Variants in SCAMP5 observed in about 807,000 individuals in gnomAD.
The protein encoded by SCAMP5 is secretory carrier membrane protein 5.
SCAMP5 carries 7 observed loss-of-function variants against 28.3 expected under a neutral mutation model. The observed-to-expected ratio is 0.25, with a 90% CI of 0.14 to 0.46. The LOEUF is 0.46. Among genes scored for constraint, SCAMP5 ranks in the 20% least tolerant of loss-of-function variants. The pLI is 0.99. For missense variants in SCAMP5, 192 were observed against 312.5 expected, an observed-to-expected ratio of 0.61 and a Z score of 2.91; for synonymous variants, 117 against 116.4, an observed-to-expected ratio of 1.00 and a Z score of -0.03.
At chr15:75,011,244 C>A (rs1281592253) in intron 1 of SCAMP5, among the ~76,000 whole-genome samples, 1 of 151,908 alleles carries the variant, frequency 6.6e-6, no homozygotes, top group South Asian at 2.1e-4. Flanking sequence ...AATTTCCCTG[C>A]CTCTCCAGAC....
intron 3 of SCAMP5, 149 bp downstream of exon 3, chr15:75,012,954 A>G: frequency 8.5e-6 from 6 of 707,428 alleles, no homozygotes; most frequent in Non-Finnish European, 1.4e-5. Context: ...TTCCCCTGCC[A>G]GGCTCCCAGA....
chr15:75,018,673 A>G lies in SCAMP5; in HGVS notation c.514-116A>G. On this transcript the variant is annotated intron_variant, in intron 6 of 6. Transcript: ENST00000425597. This position sits in a 1 kb window ranked among gnomAD's most constrained non-coding sequence, Gnocchi z 5.6. Reference sequence around the variant, plus strand: ...GGAATGGCCTGCAGGACTCTCCTACAGAGGCATTCATGGGGAGGGAGCACT... The same window carrying G: ...GGAATGGCCTGCAGGACTCTCCTACGGAGGCATTCATGGGGAGGGAGCACT... 9.8e-7 allele frequency: 1 copy of G among 1,015,784 alleles called. No homozygotes were observed. Among genetic ancestry groups the G allele is most frequent in the South Asian group, 1.3e-5 (1 of 75,930 alleles). The allele number at this position is 1,015,784 out of a possible 1,614,324, so 62.9% of individuals were successfully genotyped here.
Position 75,018,623 on chromosome 15 carries a change from C to T in SCAMP5, c.513+88C>T, listed in dbSNP as rs948127296. 10 of 1,118,630 alleles carry T rather than the reference C, an allele frequency of 8.9e-6. No individual in the cohort carries two copies. Among genetic ancestry groups the T allele is most frequent in the African/African-American group, 3.1e-5 (2 of 65,164 alleles). 69.3% of individuals were successfully genotyped at this position (1,118,630 alleles called of 1,614,324 possible). ...CCTCCTCCAAGTTGCAAGAGGATCC[C>T]GAGGTCTTCCAAGGGACTCACTCTG... On this transcript the variant is annotated intron_variant, in intron 6 of 6. Coordinates refer to ENST00000425597, the MANE Select transcript of SCAMP5 (RefSeq NM_138967.4). This position sits in a 1 kb window ranked among gnomAD's most constrained non-coding sequence, Gnocchi z 5.6.
intron 1 of SCAMP5, among the ~76,000 whole-genome samples, chr15:74,998,191 A>G (rs750136855): frequency 2.0e-5 from 3 of 152,256 alleles, no homozygotes; most frequent in East Asian, 1.9e-4. Flanking sequence ...AGTAACTGCT[A>G]TCTTATTGAT....
chr15:75,019,061 C>A lies in SCAMP5; in HGVS notation c.*78C>A. The A allele has an allele frequency of 2.0e-6, 2 of 1,023,020 alleles. No individual in the cohort carries two copies. The highest frequency in any genetic ancestry group is 2.8e-6 in the Non-Finnish European group (2 of 711,942). 63.4% of individuals were successfully genotyped at this position (1,023,020 alleles called of 1,614,324 possible). On this transcript the variant is annotated 3_prime_UTR_variant, in exon 7 of 7. Transcript: ENST00000425597. ...AAGCCACATCGTCATTTGTGGTTAC[C>A]AAGCAGGGTTCCCCCTTCCCTTTTC...
intron 1 of SCAMP5, among the ~76,000 whole-genome samples, chr15:75,000,627 G>T (rs527495718): frequency 6.7e-6 from 1 of 148,502 alleles, no homozygotes; most frequent in Non-Finnish European, 1.5e-5. Flanking sequence ...CTCGTGATCC[G>T]CCCACCTCGG....
At chr15:75,013,505 C>T (rs1466449050) in intron 3 of SCAMP5, among the ~76,000 whole-genome samples, 1 of 152,046 alleles carries the variant, frequency 6.6e-6, no homozygotes, top group Non-Finnish European at 1.5e-5. Context: ...TTAAGACCAG[C>T]CTAGGCAACA....
At chr15:75,004,222 AC>A (rs2065735407) in intron 1 of SCAMP5, among the ~76,000 whole-genome samples, 1 of 151,990 alleles carries the variant, frequency 6.6e-6, no homozygotes, top group Non-Finnish European at 1.5e-5. Context: ...CTTTTTAGAG[AC>A]AGGATCTTGC....
intron 2 of SCAMP5, 117 bp from the exon 3 acceptor site, chr15:75,012,560 C>G (rs1595887039): frequency 4.0e-6 from 5 of 1,241,508 alleles, no homozygotes; most frequent in African/African-American, 1.5e-5. Flanking sequence ...GTGGGGAAAG[C>G]AGAGTGGCCG....
At chr15:75,011,687 G>A (rs1340943288) in intron 1 of SCAMP5, 105 bp from the exon 2 acceptor site, 1 of 534,350 alleles carries the variant, frequency 1.9e-6, no homozygotes, top group Non-Finnish European at 3.5e-6. Context: ...GGGAGTATGT[G>A]CTGGGTCCTG....
At chr15:75,005,514 C>T (rs927611925) in intron 1 of SCAMP5, among the ~76,000 whole-genome samples, 4 of 151,960 alleles carry the variant, frequency 2.6e-5, no homozygotes, top group Non-Finnish European at 4.4e-5. Context: ...GGTTGCATGC[C>T]TCTTTTGTCT....
chr15:75,001,883 A>AAG (rs2065712820), intron 1 of SCAMP5, among the ~76,000 whole-genome samples: 2 of 145,058 alleles, frequency 1.4e-5, no homozygotes, highest in Non-Finnish European at 3.0e-5. Context: ...AAAAAAAAAA[A>AAG]AAAAAAAAAA....
intron 1 of SCAMP5, among the ~76,000 whole-genome samples, chr15:75,004,741 AAAAAG>A (rs1435614334): frequency 6.6e-6 from 1 of 152,016 alleles, no homozygotes; most frequent in African/African-American, 2.4e-5. Context: ...TCAAAAAAAA[AAAAAG>A]AAAGAGAGAA....
chr15:75,005,392 G>A (rs866161054), intron 1 of SCAMP5, among the ~76,000 whole-genome samples: 4 of 151,946 alleles, frequency 2.6e-5, no homozygotes, highest in Non-Finnish European at 1.5e-5. Flanking sequence ...CTTGGGAGGC[G>A]GAGGTTGCGG....
rs2065652357 is a variant in SCAMP5, at chr15:74,996,229, C to T, written c.-49+556C>T. 4 of 152,518 alleles carry T rather than the reference C, an allele frequency of 2.6e-5. No homozygotes were observed. In the South Asian group the frequency reaches 6.2e-4, roughly 24 times the overall value. 9.4% of individuals were successfully genotyped at this position (152,518 alleles called of 1,614,324 possible). A position where few individuals can be genotyped will look rare whatever the true frequency, so the allele number is the denominator to read the frequency against. On this transcript the variant is annotated intron_variant, in intron 1 of 6. Coordinates refer to ENST00000425597, the MANE Select transcript of SCAMP5 (RefSeq NM_138967.4). This position sits in a 1 kb window ranked among gnomAD's most constrained non-coding sequence, Gnocchi z 4.1. ...AGGCGACGGGCGCGCTGGCCCAGGC[C>T]ACCAGGCGGGCTCCATCAGGGCTTT...
Position 75,012,697 on chromosome 15 carries a change from C to T in SCAMP5, c.28C>T (p.Pro10Ser), listed in dbSNP as rs757911179. The T allele has an allele frequency of 1.2e-6, 2 of 1,613,968 alleles. No individual in the cohort carries two copies. Among genetic ancestry groups the T allele is most frequent in the Non-Finnish European group, 1.7e-6 (2 of 1,179,820 alleles). The change falls in exon 3 of 7, where the codon CCA becomes TCA. Residue 10 changes from proline to serine, a missense_variant. Coordinates refer to ENST00000425597, the MANE Select transcript of SCAMP5 (RefSeq NM_138967.4). ...CACAGAGAAAGTGAACAACTTCCCA[C>T]CATTGCCCAAATTCATCCCGCTGAA... MAEKVNNFP[P>S]LPKFIPLKPC...
chr15:75,003,586 G>T (rs961487227), intron 1 of SCAMP5, among the ~76,000 whole-genome samples: 3 of 152,174 alleles, frequency 2.0e-5, no homozygotes, highest in Non-Finnish European at 4.4e-5. Flanking sequence ...AGGGCGGGTA[G>T]ATCGCTTGAG....
At position 75,000,683 on chromosome 15, in the gene SCAMP5, C is replaced by G. The variant is rs915182273; in HGVS notation, c.-49+5010C>G. Reference sequence around the variant, plus strand: ...ACAGGCGTGAGCCATCGCACCCAGCCTTTTTTTTTTTTTTTTTTTGAAGAG... The same window carrying G: ...ACAGGCGTGAGCCATCGCACCCAGCGTTTTTTTTTTTTTTTTTTTGAAGAG... On this transcript the variant is annotated intron_variant, in intron 1 of 6. Coordinates refer to ENST00000425597, the MANE Select transcript of SCAMP5 (RefSeq NM_138967.4). Among the ~76,000 whole-genome samples, 894 of 120,282 alleles carry G rather than the reference C, an allele frequency of 7.4e-3. 32 individuals are homozygous for G. Among genetic ancestry groups the G allele is most frequent in the Admixed American group, 0.068 (752 of 10,998 alleles). The allele number at this position is 120,282 out of a possible 152,430, so 78.9% of individuals were successfully genotyped here. A position where few individuals can be genotyped will look rare whatever the true frequency, so the allele number is the denominator to read the frequency against.
At chr15:75,008,518 G>A (rs79537195) in intron 1 of SCAMP5, among the ~76,000 whole-genome samples, 1 of 69,968 alleles carries the variant, frequency 1.4e-5, no homozygotes, top group African/African-American at 5.6e-5. Flanking sequence ...TTTTTTTTTT[G>A]AGACATGGTT....
Sources: gnomAD v4.1 joint callset for allele counts (sites outside exome capture counted in the v4.1 genomes callset) on GRCh38, gnomAD v4.1.1 for gene constraint, Gnocchi (gnomAD v3.1) non-coding constraint, MANE v1.5 for transcripts, NCBI Gene and HGNC (gene_info 2026-07-23, HGNC 2026-07-21) for gene names.